KCNJ16: variants seen among roughly 807,000 people sequenced by gnomAD.
The protein encoded by KCNJ16 is inward rectifier potassium channel 16.
In KCNJ16, 15 loss-of-function variants were observed where a neutral mutation model predicts 18.5. The observed-to-expected ratio is 0.81, with a 90% CI of 0.54 to 1.25. The LOEUF (loss-of-function observed/expected upper bound fraction) is 1.25. Among genes scored for constraint, KCNJ16 ranks in the 50% most tolerant of loss-of-function variants. The pLI is 0.00. For missense variants in KCNJ16, 523 were observed against 525.7 expected (o/e 0.99, Z 0.05); for synonymous variants, 174 against 186.5 (o/e 0.93, Z 0.55).
At chr17:70,083,093 T>G (rs1354266862) in intron 1 of KCNJ16, among the ~76,000 whole-genome samples, 2 of 151,732 alleles carry the variant, frequency 1.3e-5, no homozygotes, top group East Asian at 3.9e-4. Flanking sequence ...CTTGCTCTAT[T>G]GTCCAGGCTA....
At chr17:70,098,503 A>G (rs571147813) in intron 1 of KCNJ16, among the ~76,000 whole-genome samples, 2 of 152,156 alleles carry the variant, frequency 1.3e-5, no homozygotes, top group East Asian at 3.9e-4. Context: ...TTAACAAGAC[A>G]GCAGTTGAAA....
In KCNJ16 at chr17:70,133,395, C is replaced by T. The variant is rs771393530; in HGVS notation, c.*51C>T. On this transcript the variant is annotated 3_prime_UTR_variant, in exon 4 of 4. Coordinates refer to ENST00000392671, the MANE Select transcript of KCNJ16 (RefSeq NM_170741.4). ...CCACTGAATCATTTTATCTTTCAGC[C>T]AATCAAGTCGTTGTAAACGTGGCTT... is the stretch of plus-strand genomic sequence containing the variant. The T allele has an allele frequency of 2.0e-6, 3 of 1,508,320 alleles. No homozygotes were observed. Among genetic ancestry groups the T allele is most frequent in the Non-Finnish European group, 2.7e-6 (3 of 1,110,036 alleles). The allele number at this position is 1,508,320 out of a possible 1,614,324, so 93.4% of individuals were successfully genotyped here.
At chr17:70,080,109 G>A (rs187269282) in intron 1 of KCNJ16, among the ~76,000 whole-genome samples, 234 of 152,286 alleles carry the variant, frequency 1.5e-3, no homozygotes, top group African/African-American at 5.5e-3. Context: ...GACACTGACA[G>A]TGACAGTCCA....
rs188575967 is a variant in KCNJ16 at position 70,112,281 on chromosome 17, C to T, written c.-191+11515C>T. On this transcript the variant is annotated intron_variant, in intron 2 of 3. Transcript: ENST00000392671. The stretch of plus-strand genomic sequence containing the variant: ...TCCTTCAGCCTATTATGTCTTCTCT[C>T]GTAAATGTTTCTGGATAAGGGAGCT... Among the ~76,000 whole-genome samples the T allele has an allele frequency of 5.9e-5, 9 of 151,940 alleles. No individual in the cohort carries two copies. The East Asian group carries it at 9.7e-4, about 16-fold the overall frequency.
Position 70,133,405 on chromosome 17 carries a change from G to A in KCNJ16, c.*61G>A, listed in dbSNP as rs551085693. On this transcript the variant is annotated 3_prime_UTR_variant, in exon 4 of 4. Transcript: ENST00000392671. ...ATTTTATCTTTCAGCCAATCAAGTC[G>A]TTGTAAACGTGGCTTTTTTGAAAGT... The A allele has an allele frequency of 6.5e-5, 94 of 1,453,518 alleles. No individual in the cohort carries two copies. Among genetic ancestry groups the A allele is most frequent in the African/African-American group, 3.5e-4 (25 of 70,440 alleles). The allele number at this position is 1,453,518 out of a possible 1,614,324, so 90.0% of individuals were successfully genotyped here.
intron 2 of KCNJ16, among the ~76,000 whole-genome samples, chr17:70,130,457 G>A (rs1224705817): frequency 6.6e-6 from 1 of 152,134 alleles, no homozygotes; most frequent in Non-Finnish European, 1.5e-5. Context: ...GCAGATAGAG[G>A]ACAGAGATAA....
At chr17:70,099,070 T>G (rs2072511722) in intron 1 of KCNJ16, among the ~76,000 whole-genome samples, 1 of 152,160 alleles carries the variant, frequency 6.6e-6, no homozygotes, top group African/African-American at 2.4e-5. Flanking sequence ...ATCAGTCCTT[T>G]GATTTCCTCC....
chr17:70,105,783 A>G (rs2072895539), intron 2 of KCNJ16, among the ~76,000 whole-genome samples: 1 of 152,186 alleles, frequency 6.6e-6, no homozygotes, highest in African/African-American at 2.4e-5. Flanking sequence ...AACACCTACT[A>G]CATTCCATGC....
intron 2 of KCNJ16, among the ~76,000 whole-genome samples, chr17:70,103,660 TCATC>T (rs1419113109): frequency 6.6e-6 from 1 of 152,092 alleles, no homozygotes; most frequent in African/African-American, 2.4e-5. Context: ...TTGTATTGTT[TCATC>T]CATGTTCATG....
chr17:70,116,016 T>A (rs1234230794), intron 2 of KCNJ16, among the ~76,000 whole-genome samples: 1 of 152,190 alleles, frequency 6.6e-6, no homozygotes, highest in East Asian at 1.9e-4. Flanking sequence ...AAGTATTAAC[T>A]GAAAACACCT....
rs531968867 is a variant in KCNJ16, at chr17:70,134,102, T to C, written c.*758T>C. The C allele has an allele frequency of 6.0e-6, 1 of 167,250 alleles. No individual in the cohort carries two copies. The highest frequency in any genetic ancestry group is 1.9e-4 in the East Asian group (1 of 5,196). 10.4% of individuals were successfully genotyped at this position (167,250 alleles called of 1,614,324 possible). On this transcript the variant is annotated 3_prime_UTR_variant, in exon 4 of 4. Coordinates refer to ENST00000392671, the MANE Select transcript of KCNJ16 (RefSeq NM_170741.4). Reference sequence around the variant, plus strand: ...AGAAACAAGGCAACCACGACCTTGCTAGGTTCTCTGAGGAGGGGACTTTCT... The same window carrying C: ...AGAAACAAGGCAACCACGACCTTGCCAGGTTCTCTGAGGAGGGGACTTTCT...
chr17:70,091,449 C>T (rs1368851176), intron 1 of KCNJ16, among the ~76,000 whole-genome samples: 10 of 152,120 alleles, frequency 6.6e-5, no homozygotes, highest in Non-Finnish European at 7.3e-5. Context: ...TGGAATAGTA[C>T]GCATTTACAG....
At chr17:70,080,439 A>C in intron 1 of KCNJ16, among the ~76,000 whole-genome samples, 1 of 152,284 alleles carries the variant, frequency 6.6e-6, no homozygotes, top group Middle Eastern at 3.4e-3. Context: ...ATATATTTTT[A>C]TATTTAAGAC....
At chr17:70,128,189 A>C (rs1353629723) in intron 2 of KCNJ16, 1 of 152,172 alleles carries the variant, frequency 6.6e-6, no homozygotes, top group African/African-American at 2.4e-5. Context: ...CAGGATGTGC[A>C]TTTGTTATGT....
chr17:70,097,047 C>T (rs946455320), intron 1 of KCNJ16: 5 of 387,162 alleles, frequency 1.3e-5, no homozygotes, highest in African/African-American at 6.2e-5. Context: ...TTTGCAGACA[C>T]GATATTGTGT....
At chr17:70,076,233 C>T (rs574416927) in intron 1 of KCNJ16, among the ~76,000 whole-genome samples, 1 of 152,096 alleles carries the variant, frequency 6.6e-6, no homozygotes, top group East Asian at 1.9e-4. Context: ...ACTCTTATGG[C>T]TAGTAAGAGC....
chr17:70,089,566 T>C (rs149852867), intron 1 of KCNJ16, among the ~76,000 whole-genome samples: 13 of 152,280 alleles, frequency 8.5e-5, no homozygotes, highest in Non-Finnish European at 1.3e-4. Flanking sequence ...AAAAACATAA[T>C]GCCTGCAGTT....
chr17:70,092,560 G>GAT (rs1269485041), intron 1 of KCNJ16, among the ~76,000 whole-genome samples: 4 of 30,986 alleles, frequency 1.3e-4, no homozygotes, highest in Non-Finnish European at 2.8e-4. Context: ...ATAGATAGAT[G>GAT]ATAGATATAG....
intron 1 of KCNJ16, among the ~76,000 whole-genome samples, chr17:70,089,451 G>A (rs534953779): frequency 1.3e-5 from 2 of 152,118 alleles, no homozygotes; most frequent in Non-Finnish European, 2.9e-5. Flanking sequence ...CCAGATTCCT[G>A]AAGTTGAAAA....
Sources: allele counts gnomAD v4.1 joint callset (sites outside exome capture counted in the v4.1 genomes callset), GRCh38; gene constraint gnomAD v4.1.1; transcripts MANE v1.5; gene names NCBI Gene and HGNC (gene_info 2026-07-23, HGNC 2026-07-21).